The following RAD51AP2 variants were observed in gnomAD, a reference collection of about 807,000 sequenced individuals.
The protein encoded by RAD51AP2 is RAD51-associated protein 2.
In RAD51AP2, 67 loss-of-function variants were observed where a neutral mutation model predicts 85.5. The ratio of observed to expected loss-of-function variants is 0.78; its 90% confidence interval spans 0.64 to 0.96. The LOEUF is 0.96. Ranked by LOEUF, RAD51AP2 falls within the 40% of genes least tolerant of loss-of-function variation. RAD51AP2 has a pLI of 0.00. For missense variants in RAD51AP2, 1,307 were observed against 1,332.4 expected, an observed-to-expected ratio of 0.98 and a Z score of 0.30; for synonymous variants, 474 against 446.5, an observed-to-expected ratio of 1.06 and a Z score of -0.78.
chr2:17,529,227 A>G, the RAD51AP2 span, among the ~76,000 whole-genome samples: 3 of 151,764 alleles, frequency 2.0e-5, no homozygotes, highest in African/African-American at 7.2e-5. Flanking sequence ...TTACTATAAC[A>G]TCACATTCAT....
chr2:17,512,282 ACT>A (rs1662514541), intron 2 of RAD51AP2, among the ~76,000 whole-genome samples: 1 of 152,134 alleles, frequency 6.6e-6, no homozygotes, highest in Non-Finnish European at 1.5e-5. Flanking sequence ...GCAGGCAACC[ACT>A]CTAACTAGGC....
At chr2:17,530,946 C>A in the RAD51AP2 span, among the ~76,000 whole-genome samples, 1 of 152,078 alleles carries the variant, frequency 6.6e-6, no homozygotes, top group African/African-American at 2.4e-5. Context: ...TCAAATTGTA[C>A]AATGATGTAT....
the RAD51AP2 span, among the ~76,000 whole-genome samples, chr2:17,535,506 G>A: frequency 2.0e-5 from 3 of 152,170 alleles, no homozygotes; most frequent in Non-Finnish European, 4.4e-5. Flanking sequence ...AGAGTGAGAT[G>A]ATGAGAGGCT....
At chr2:17,520,709 G>A (rs2103316154), upstream of RAD51AP2, among the ~76,000 whole-genome samples, 1 of 151,236 alleles carries the variant, frequency 6.6e-6, no homozygotes, top group South Asian at 2.1e-4. Context: ...CTTAAGCATA[G>A]TATGTCACAT....
upstream of RAD51AP2, among the ~76,000 whole-genome samples, chr2:17,522,423 T>TA (rs1439746115): frequency 6.6e-6 from 1 of 152,052 alleles, no homozygotes; most frequent in African/African-American, 2.4e-5. Flanking sequence ...TTTAGACCCC[T>TA]ACAGTTTTAT....
At position 17,517,377 on chromosome 2, in the gene RAD51AP2, T is replaced by C. The variant is rs761925161; in HGVS notation, c.1039A>G (p.Ser347Gly). Reference sequence around the variant, plus strand: ...CTACTGCAGTTACAGTAGTTTGAACTGATCAAGTCTTTTCTCTTACAAGTA... The same window carrying C: ...CTACTGCAGTTACAGTAGTTTGAACCGATCAAGTCTTTTCTCTTACAAGTA... ...QNTCKRKDLI[S>G]SNYCNCSSIQ... The change falls in exon 1 of 3, where the codon AGT becomes GGT. Residue 347 changes from serine to glycine, a missense_variant. This residue lies in a region of RAD51AP2 where 635 missense variants were observed against 643.6 expected (regional missense o/e 0.99). Transcript: ENST00000399080. The C allele has an allele frequency of 5.0e-6, 8 of 1,613,662 alleles. No homozygotes were observed. The highest frequency in any genetic ancestry group is 1.1e-5 in the South Asian group (1 of 91,052).
chr2:17,515,179 A>G lies in RAD51AP2; in HGVS notation c.3237T>C (p.Thr1079=). The G allele has an allele frequency of 6.4e-7, 1 of 1,567,288 alleles. No individual in the cohort carries two copies. Among genetic ancestry groups the G allele is most frequent in the Middle Eastern group, 1.7e-4 (1 of 5,818 alleles). ...SRSEEELLYS[T]SEKDCETPLP... ...AAATGAATTTCATACCTTTCTCAGA[A>G]GTAGAGTAAAGTAATTCTTCCTCTG... Residue 1079 remains threonine, a synonymous_variant, in exon 1 of 3, where the codon ACT becomes ACC. Transcript: ENST00000399080.
the RAD51AP2 span, among the ~76,000 whole-genome samples, chr2:17,535,303 G>T: frequency 6.6e-6 from 1 of 152,180 alleles, no homozygotes; most frequent in Non-Finnish European, 1.5e-5. Context: ...AACACAGAAC[G>T]GTTGAGCATA....
chr2:17,520,201 G>T (rs1253657192), upstream of RAD51AP2, among the ~76,000 whole-genome samples: 2 of 151,786 alleles, frequency 1.3e-5, no homozygotes, highest in Non-Finnish European at 2.9e-5. Flanking sequence ...CAGCCATAAA[G>T]ACCAAAAAAA....
At chr2:17,511,648 T>C (rs562039186) in intron 2 of RAD51AP2, among the ~76,000 whole-genome samples, 1 of 152,304 alleles carries the variant, frequency 6.6e-6, no homozygotes, top group South Asian at 2.1e-4. Context: ...TAAATCAAAC[T>C]TTATTGAATC....
rs1237863587 is a variant in RAD51AP2 at position 17,517,510 on chromosome 2, T to G, written c.906A>C (p.Arg302Ser). Residue 302 changes from arginine (R) to serine (S), a missense_variant, in exon 1 of 3, where the codon AGA (arginine) becomes AGC (serine). Arg to Ser is a moderately radical substitution (Grantham distance 110). Coordinates refer to ENST00000399080, the MANE Select transcript of RAD51AP2 (RefSeq NM_001099218.3). ...GTAACTTTTGCTTCTTAACATCAGG[T>G]CTATTTTGGGACCAGTAAATGTTTG... ...DFTNIYWSQN[R>S]PDVKKQKLQN... 4.3e-6 allele frequency: 7 copies of G among 1,613,800 alleles called. No individual in the cohort carries two copies. Among genetic ancestry groups the G allele is most frequent in the Non-Finnish European group, 5.9e-6 (7 of 1,179,856 alleles).
chr2:17,532,413 C>T, the RAD51AP2 span, among the ~76,000 whole-genome samples: 1 of 152,076 alleles, frequency 6.6e-6, no homozygotes, highest in Non-Finnish European at 1.5e-5. Flanking sequence ...AGCATTCTCC[C>T]TGCCTGTGTC....
chr2:17,530,027 A>T, the RAD51AP2 span, among the ~76,000 whole-genome samples: 4 of 152,202 alleles, frequency 2.6e-5, no homozygotes, highest in African/African-American at 9.7e-5. Flanking sequence ...TCACTGACTG[A>T]TACTGCCTGT....
At chr2:17,511,519 TA>T (rs1391937449) in intron 2 of RAD51AP2, among the ~76,000 whole-genome samples, 1 of 152,230 alleles carries the variant, frequency 6.6e-6, no homozygotes, top group Non-Finnish European at 1.5e-5. Flanking sequence ...ATCAGTTATG[TA>T]AAATCAACTA....
chr2:17,519,458 A>G (rs1662807685), upstream of RAD51AP2, among the ~76,000 whole-genome samples: 1 of 152,148 alleles, frequency 6.6e-6, no homozygotes, highest in Non-Finnish European at 1.5e-5. Flanking sequence ...CAAGCTTGGT[A>G]TGTTTTATAT....
In RAD51AP2 at chr2:17,517,346, T is replaced by G. The variant is rs774203242; in HGVS notation, c.1070A>C (p.Gln357Pro). 7.4e-6 allele frequency: 12 copies of G among 1,613,836 alleles called. No homozygotes were observed. Among genetic ancestry groups the G allele is most frequent in the Non-Finnish European group, 1.0e-5 (12 of 1,179,922 alleles). The change falls in exon 1 of 3, where the codon CAG becomes CCG. Residue 357 changes from glutamine (Q) to proline (P), a missense_variant. By Grantham distance (76) the Gln-to-Pro change is moderately conservative. Transcript: ENST00000399080. ...CTTTCTAGAGTCTCTTACATTACACTGGATACTACTGCAGTTACAGTAGTT... is the reference window on the plus strand; with the variant it reads ...CTTTCTAGAGTCTCTTACATTACACGGGATACTACTGCAGTTACAGTAGTT... The part of the protein sequence containing the change: ...SSNYCNCSSI[Q>P]CNVRDSRKNF...
upstream of RAD51AP2, chr2:17,518,502 G>A (rs1662776027): frequency 6.7e-7 from 1 of 1,493,024 alleles, no homozygotes; most frequent in South Asian, 1.3e-5. Context: ...TCACGCCCCT[G>A]ACCCGCCCCT....
rs995888444 is a variant in RAD51AP2, at chr2:17,518,398, G to C, written c.18C>G (p.Pro6=). ...TTCTGAGCTCGGCCATCCGCGGCGT[G>C]GGCTGAGGGAGAGACATGACAGCGA... MSLPQ[P]TPRMAELRKP... is the part of the protein sequence containing the mutation. Residue 6 remains proline, a synonymous_variant, in exon 1 of 3, where the codon CCC becomes CCG. Transcript: ENST00000399080. 1 of 1,612,486 alleles carries C rather than the reference G, an allele frequency of 6.2e-7. No homozygotes were observed. The highest frequency in any genetic ancestry group is 1.3e-5 in the African/African-American group (1 of 74,956).
chr2:17,514,536 C>CGGG (rs35741699), intron 1 of RAD51AP2, among the ~76,000 whole-genome samples: 359 of 149,564 alleles, frequency 2.4e-3, no homozygotes, highest in African/African-American at 6.9e-3. Context: ...CCGAGGGCGG[C>CGGG]GGGGGGGGTG....
Sources: allele counts gnomAD v4.1 joint callset (sites outside exome capture counted in the v4.1 genomes callset), GRCh38; gene constraint gnomAD v4.1.1; regional missense constraint gnomAD v4.1.1; transcripts MANE v1.5; gene names NCBI Gene and HGNC (gene_info 2026-07-23, HGNC 2026-07-21).